Variants in KIF9 observed in about 807,000 individuals in gnomAD.
KIF9 encodes the protein kinesin family member 9.
In KIF9, 68 loss-of-function variants were observed where a neutral mutation model predicts 94.8. The observed-to-expected ratio is 0.72, with a 90% CI of 0.59 to 0.88. The LOEUF is 0.88. KIF9 is among the 40% of genes least tolerant of loss of function. The probability of loss-of-function intolerance (pLI) is 0.00; values close to 1 mark genes in which losing one functional copy is unlikely to be tolerated. For missense variants in KIF9, 882 were observed against 982.5 expected, an observed-to-expected ratio of 0.90 and a Z score of 1.37; for synonymous variants, 343 against 362.1, an observed-to-expected ratio of 0.95 and a Z score of 0.60.
intron 5 of KIF9, 67 bp downstream of exon 5, chr3:47,271,170 A>C: frequency 2.1e-6 from 2 of 967,996 alleles, no homozygotes; most frequent in South Asian, 1.5e-5. Flanking sequence ...AAAGAAAAAG[A>C]AAAGCTGAGA....
intron 2 of KIF9, 40 bp from the exon 3 acceptor site, chr3:47,275,530 T>G (rs1250761568): frequency 1.3e-6 from 2 of 1,512,828 alleles, no homozygotes; most frequent in African/African-American, 2.8e-5. Flanking sequence ...TGTTATTTGT[T>G]CAAAAATGGG....
chr3:47,246,060 A>C (rs1699904186), intron 13 of KIF9, 137 bp downstream of exon 13: 2 of 667,754 alleles, frequency 3.0e-6, no homozygotes, highest in Middle Eastern at 3.3e-4. Context: ...CCAGGGACCC[A>C]GGCATGCCCC....
At chr3:47,277,945 C>T (rs1052446882) in intron 1 of KIF9, among the ~76,000 whole-genome samples, 3 of 152,102 alleles carry the variant, frequency 2.0e-5, no homozygotes, top group African/African-American at 7.2e-5. Context: ...AGTCCCCTAC[C>T]TCCTCTTGCT....
intron 10 of KIF9, chr3:47,250,587 A>G (rs746175396): frequency 2.6e-5 from 13 of 491,512 alleles, no homozygotes; most frequent in Non-Finnish European, 4.1e-5. Context: ...ACACAAGCGT[A>G]TGAACACACA....
At chr3:47,232,930 G>A (rs1442926111) in intron 20 of KIF9, among the ~76,000 whole-genome samples, 1 of 145,698 alleles carries the variant, frequency 6.9e-6, no homozygotes, top group East Asian at 2.1e-4. Flanking sequence ...GCAGTGAGCC[G>A]AGATCACGCC....
At chr3:47,275,810 T>C (rs1701929132) in intron 2 of KIF9, among the ~76,000 whole-genome samples, 1 of 152,218 alleles carries the variant, frequency 6.6e-6, no homozygotes, top group South Asian at 2.1e-4. Flanking sequence ...AAACAAGTTT[T>C]AGATAGATTC....
chr3:47,242,258 A>T (rs1380626164), intron 16 of KIF9, among the ~76,000 whole-genome samples: 1 of 152,158 alleles, frequency 6.6e-6, no homozygotes, highest in Non-Finnish European at 1.5e-5. Flanking sequence ...AAAGCATTTC[A>T]TGTTATTAAA....
At chr3:47,267,872 CTTTTT>C (rs1210887622) in intron 5 of KIF9, among the ~76,000 whole-genome samples, 1 of 125,766 alleles carries the variant, frequency 8.0e-6, no homozygotes. Flanking sequence ...TTGTGTTCTC[CTTTTT>C]TTTTTTTTTT....
intron 5 of KIF9, 97 bp downstream of exon 5, chr3:47,271,140 T>C: frequency 1.1e-6 from 1 of 873,334 alleles, no homozygotes; most frequent in South Asian, 1.7e-5. Context: ...CAAGATCCTG[T>C]CTCAAAAAAA....
chr3:47,252,364 T>A (rs1236564029), intron 10 of KIF9, among the ~76,000 whole-genome samples: 3 of 151,626 alleles, frequency 2.0e-5, no homozygotes, highest in African/African-American at 4.9e-5. Flanking sequence ...TTTGGAAGGC[T>A]AAGAGGACCC....
chr3:47,239,816 G>A (rs1341881037), intron 17 of KIF9: 2 of 1,367,596 alleles, frequency 1.5e-6, no homozygotes, highest in South Asian at 2.3e-5. Flanking sequence ...TGACTTGCAG[G>A]AATAAACCAA....
chr3:47,278,173 G>A (rs564711544), intron 1 of KIF9, among the ~76,000 whole-genome samples: 26 of 152,064 alleles, frequency 1.7e-4, no homozygotes, highest in Middle Eastern at 6.8e-3. Context: ...CCAGGCTTAA[G>A]TGATCCTCCT....
intron 5 of KIF9, among the ~76,000 whole-genome samples, chr3:47,269,951 G>A (rs1701534528): frequency 6.6e-6 from 1 of 151,902 alleles, no homozygotes; most frequent in South Asian, 2.1e-4. Flanking sequence ...TGTATTTGTA[G>A]TAGAGACGGG....
At chr3:47,235,645 GT>G (rs776507414) in intron 19 of KIF9, 28 bp from the exon 20 acceptor site, 17 of 1,555,816 alleles carry the variant, frequency 1.1e-5, no homozygotes, top group Non-Finnish European at 1.4e-5. Context: ...CTTTAGCATG[GT>G]ATTGTCAGGA....
rs747973917 is a variant in KIF9 at position 47,236,063 on chromosome 3, T to C, written c.2188A>G (p.Met730Val). The C allele has an allele frequency of 1.2e-6, 2 of 1,614,100 alleles. No individual in the cohort carries two copies. Among genetic ancestry groups the C allele is most frequent in the South Asian group, 1.1e-5 (1 of 91,078 alleles). ...LKPGGSIRPG[M>V]VPVNRIVSLG... ...GACACAATCCTGTTCACAGGGACCA[T>C]GCCTGGCCGGATGCTGCCGCCTGGC... is the stretch of plus-strand genomic sequence containing the variant. Residue 730 changes from methionine (M) to valine (V), a missense_variant, in exon 19 of 21, where the codon ATG becomes GTG. Physicochemically the swap from Met to Val is conservative, Grantham distance 21. Transcript: ENST00000684063.
intron 3 of KIF9, 73 bp from the exon 4 acceptor site, chr3:47,273,731 C>A: frequency 7.4e-7 from 1 of 1,345,416 alleles, no homozygotes; most frequent in Non-Finnish European, 1.0e-6. Flanking sequence ...TCCCAGCATG[C>A]CTGGTGCCAG....
chr3:47,281,042 T>C (rs1358342398), intron 1 of KIF9: 2 of 703,028 alleles, frequency 2.8e-6, no homozygotes, highest in Admixed American at 4.0e-5. Context: ...AAGGCAAGGA[T>C]TGTGCTTTTT....
chr3:47,259,304 A>G (rs1311431831), intron 9 of KIF9, among the ~76,000 whole-genome samples: 1 of 152,160 alleles, frequency 6.6e-6, no homozygotes, highest in East Asian at 1.9e-4. Flanking sequence ...ATGGGCTCCT[A>G]CCAGTTTTGT....
chr3:47,272,944 G>C (rs1374092364), intron 4 of KIF9, among the ~76,000 whole-genome samples: 1 of 152,208 alleles, frequency 6.6e-6, no homozygotes, highest in Non-Finnish European at 1.5e-5. Flanking sequence ...TTATAGGACA[G>C]GGCTGTAAAG....
Sources: gnomAD v4.1 joint callset for allele counts (sites outside exome capture counted in the v4.1 genomes callset) on GRCh38, gnomAD v4.1.1 for gene constraint, MANE v1.5 for transcripts, NCBI Gene and HGNC (gene_info 2026-07-23, HGNC 2026-07-21) for gene names.